The following CADM2 variants were observed in gnomAD, a reference collection of about 807,000 sequenced individuals.
CADM2 encodes the protein cell adhesion molecule 2, also known as immunoglobulin superfamily member 4D.
Under a neutral mutation model 49.8 loss-of-function variants are expected in CADM2, and 12 were observed. The observed-to-expected ratio is 0.24, with a 90% CI of 0.15 to 0.39. The LOEUF (loss-of-function observed/expected upper bound fraction) is 0.39. Ranked by LOEUF, CADM2 falls within the 10% of genes least tolerant of loss-of-function variation. The pLI, the probability that CADM2 is intolerant of heterozygous loss-of-function variation, is 1.00. For missense variants in CADM2, 378 were observed against 492.3 expected, an observed-to-expected ratio of 0.77 and a Z score of 2.20; for synonymous variants, 214 against 175.4, an observed-to-expected ratio of 1.22 and a Z score of -1.74.
intron 3 of CADM2, among the ~76,000 whole-genome samples, chr3:85,827,233 A>G (rs2073957777): frequency 1.3e-5 from 2 of 152,064 alleles, no homozygotes; most frequent in East Asian, 1.9e-4. Context: ...ATGAAAATAT[A>G]TGACCATAAA....
At chr3:85,844,133 A>G (rs2074769091) in intron 3 of CADM2, among the ~76,000 whole-genome samples, 1 of 152,074 alleles carries the variant, frequency 6.6e-6, no homozygotes, top group African/African-American at 2.4e-5. Context: ...TTCCTTACAG[A>G]GTTCTTGAGA....
chr3:85,939,931 T>C (rs981583731), intron 7 of CADM2, among the ~76,000 whole-genome samples: 3 of 150,194 alleles, frequency 2.0e-5, no homozygotes, highest in East Asian at 3.9e-4. Context: ...TAATTACACA[T>C]CTATTTTTGA....
chr3:85,799,170 G>A (rs2071828255), intron 2 of CADM2, among the ~76,000 whole-genome samples: 3 of 152,136 alleles, frequency 2.0e-5, no homozygotes, highest in Admixed American at 2.0e-4. Context: ...GAGTTTTTGG[G>A]CTTAGACGAT....
At chr3:85,837,077 G>A (rs534210388) in intron 3 of CADM2, among the ~76,000 whole-genome samples, 1 of 151,470 alleles carries the variant, frequency 6.6e-6, no homozygotes, top group Admixed American at 6.6e-5. Context: ...TTTTAATAAG[G>A]GACATTCCAT....
intron 1 of CADM2, among the ~76,000 whole-genome samples, chr3:85,207,086 GTA>G (rs1553695623): frequency 6.7e-6 from 1 of 149,894 alleles, no homozygotes; most frequent in South Asian, 2.1e-4. Context: ...GTGTGTGTGT[GTA>G]TGCATACACA....
intron 1 of CADM2, among the ~76,000 whole-genome samples, chr3:85,704,952 G>T (rs1273625951): frequency 6.7e-6 from 1 of 150,068 alleles, no homozygotes; most frequent in African/African-American, 2.4e-5. Flanking sequence ...TCCGCCTCCC[G>T]GGTTCACGCC....
chr3:86,028,352 A>G (rs905860963), intron 8 of CADM2, among the ~76,000 whole-genome samples: 25 of 152,266 alleles, frequency 1.6e-4, no homozygotes, highest in African/African-American at 5.5e-4. Flanking sequence ...AAACACAAAA[A>G]TGGGTTAAGG....
At chr3:85,144,785 A>G (rs944615809) in intron 1 of CADM2, among the ~76,000 whole-genome samples, 2 of 152,198 alleles carry the variant, frequency 1.3e-5, no homozygotes, top group African/African-American at 4.8e-5. Context: ...AAGTGATTTG[A>G]AAGATCAATT....
intron 1 of CADM2, among the ~76,000 whole-genome samples, chr3:85,215,040 G>A (rs2041886412): frequency 6.6e-6 from 1 of 151,910 alleles, no homozygotes; most frequent in African/African-American, 2.4e-5. Flanking sequence ...TCCCTCCATG[G>A]CCACCGTAGC....
intron 1 of CADM2, among the ~76,000 whole-genome samples, chr3:85,067,180 T>C (rs2036557040): frequency 1.3e-5 from 2 of 152,124 alleles, no homozygotes; most frequent in African/African-American, 2.4e-5. Flanking sequence ...ATGTTCATAA[T>C]ATTAAATATT....
intron 1 of CADM2, among the ~76,000 whole-genome samples, chr3:85,374,093 A>G (rs1256844720): frequency 6.6e-6 from 1 of 151,918 alleles, no homozygotes; most frequent in Non-Finnish European, 1.5e-5. Flanking sequence ...TTTCTATTGC[A>G]TCATCAGGCT....
intron 1 of CADM2, among the ~76,000 whole-genome samples, chr3:85,341,841 C>T (rs1251451129): frequency 6.6e-6 from 1 of 151,986 alleles, no homozygotes; most frequent in African/African-American, 2.4e-5. Flanking sequence ...TGGCTAGGAA[C>T]TGAAGATATA....
chr3:86,059,350 G>T (rs138733837), intron 8 of CADM2, among the ~76,000 whole-genome samples: 1 of 151,954 alleles, frequency 6.6e-6, no homozygotes, highest in African/African-American at 2.4e-5. Context: ...TTTTTCACTC[G>T]TAAATATTTA....
At chr3:85,224,765 A>C (rs2042118059) in intron 1 of CADM2, among the ~76,000 whole-genome samples, 1 of 152,044 alleles carries the variant, frequency 6.6e-6, no homozygotes, top group South Asian at 2.1e-4. Context: ...ATCCATCCTG[A>C]GTTAATTTTT....
chr3:86,063,655 A>G lies in CADM2; in HGVS notation c.971-1950A>G, dbSNP rs189004387. Among the ~76,000 whole-genome samples the G allele has an allele frequency of 3.9e-5, 6 of 152,058 alleles. No individual in the cohort carries two copies. In the East Asian group the frequency reaches 1.2e-3, roughly 29 times the overall value. ...GTTGTTTGAAGTTTCAAACAGTCAGACTTTTTTTTCTATCTAGACATATGA... is the reference window on the plus strand; with the variant it reads ...GTTGTTTGAAGTTTCAAACAGTCAGGCTTTTTTTTCTATCTAGACATATGA... On this transcript the variant is annotated intron_variant, in intron 8 of 9. Coordinates refer to ENST00000383699, the MANE Select transcript of CADM2 (RefSeq NM_001167675.2).
chr3:85,309,586 C>A (rs1342949343), intron 1 of CADM2, among the ~76,000 whole-genome samples: 1 of 152,096 alleles, frequency 6.6e-6, no homozygotes, highest in African/African-American at 2.4e-5. Flanking sequence ...TTTTTCATTG[C>A]TATTTTTGCC....
chr3:85,659,742 T>C (rs928740306), intron 1 of CADM2, among the ~76,000 whole-genome samples: 3 of 152,256 alleles, frequency 2.0e-5, no homozygotes, highest in Admixed American at 2.0e-4. Context: ...CAGGATCTTG[T>C]TAAAATGCAG....
intron 8 of CADM2, among the ~76,000 whole-genome samples, chr3:86,061,976 C>A (rs1738700045): frequency 8.9e-6 from 1 of 111,832 alleles, no homozygotes. Context: ...CCCTCAGGTG[C>A]TGTTGATGGT....
intron 2 of CADM2, among the ~76,000 whole-genome samples, chr3:85,798,215 G>T (rs541898904): frequency 1.8e-4 from 28 of 152,116 alleles, no homozygotes; most frequent in African/African-American, 6.7e-4. Flanking sequence ...CCATTCCTTA[G>T]GTTGCCTATT....
Sources: allele counts gnomAD v4.1 joint callset (sites outside exome capture counted in the v4.1 genomes callset), GRCh38; gene constraint gnomAD v4.1.1; transcripts MANE v1.5; gene names NCBI Gene and HGNC (gene_info 2026-07-23, HGNC 2026-07-21).